Variants in BCL7C observed in about 807,000 individuals in gnomAD.
The protein encoded by BCL7C is B-cell CLL/lymphoma 7 protein family member C.
BCL7C carries 8 observed loss-of-function variants against 26.2 expected under a neutral mutation model. The observed-to-expected ratio is 0.30, with a 90% CI of 0.18 to 0.55. The LOEUF is 0.55. Among genes scored for constraint, BCL7C ranks in the 20% least tolerant of loss-of-function variants. The probability of loss-of-function intolerance (pLI) is 0.93; values close to 1 mark genes in which losing one functional copy is unlikely to be tolerated. For synonymous variants in BCL7C, 90 were observed against 116.5 expected (o/e 0.77, Z 1.47); for missense variants, 262 against 298.5 (o/e 0.88, Z 0.90).
chr16:30,855,742 T>G (rs1438616159), intron 5 of BCL7C, among the ~76,000 whole-genome samples: 1 of 151,806 alleles, frequency 6.6e-6, no homozygotes, highest in East Asian at 1.9e-4. Flanking sequence ...CTGGGCAACA[T>G]AGCGAGCCCC....
intron 5 of BCL7C, among the ~76,000 whole-genome samples, chr16:30,859,368 A>C (rs1434523984): frequency 6.6e-6 from 1 of 152,236 alleles, no homozygotes; most frequent in Non-Finnish European, 1.5e-5. Context: ...CTGAAATCCC[A>C]GCACTTTGGG....
intron 5 of BCL7C, 143 bp from the exon 6 acceptor site, chr16:30,888,133 G>T: frequency 1.4e-6 from 1 of 701,188 alleles, no homozygotes; most frequent in Non-Finnish European, 2.2e-6. Flanking sequence ...GGATGCAGAG[G>T]AAGCAGGCAC....
intron 5 of BCL7C, among the ~76,000 whole-genome samples, chr16:30,871,056 C>A (rs1313760771): frequency 2.0e-5 from 3 of 152,194 alleles, no homozygotes; most frequent in African/African-American, 7.2e-5. Context: ...GCCAGGGGAA[C>A]AGTTGTTAAC....
chr16:30,875,428 G>C (rs1386746733), intron 5 of BCL7C: 1 of 152,440 alleles, frequency 6.6e-6, no homozygotes, highest in Admixed American at 6.5e-5. Flanking sequence ...CTGCGTCTGT[G>C]GCCTTAACCC....
chr16:30,854,499 T>C (rs111591707), intron 5 of BCL7C, among the ~76,000 whole-genome samples: 71 of 152,274 alleles, frequency 4.7e-4, no homozygotes, highest in African/African-American at 1.7e-3. Flanking sequence ...ACTGTTATCC[T>C]GTTCTTCAAA....
chr16:30,859,571 C>T (rs948391735), intron 5 of BCL7C, among the ~76,000 whole-genome samples: 11 of 152,282 alleles, frequency 7.2e-5, no homozygotes, highest in Non-Finnish European at 1.5e-4. Context: ...TAACTGATGA[C>T]GTTCCACCAT....
At chr16:30,841,551 T>C (rs2054602246) in intron 5 of BCL7C, among the ~76,000 whole-genome samples, 1 of 152,168 alleles carries the variant, frequency 6.6e-6, no homozygotes, top group Non-Finnish European at 1.5e-5. Context: ...GTTCGAAGGA[T>C]ACAGTCTCAC....
downstream of BCL7C, among the ~76,000 whole-genome samples, chr16:30,885,005 G>T (rs1404263852): frequency 6.6e-6 from 1 of 152,152 alleles, no homozygotes; most frequent in African/African-American, 2.4e-5. Context: ...GAGTCATGAG[G>T]TGGCCACACA....
At chr16:30,875,501 G>T (rs2054936148) in intron 5 of BCL7C, 1 of 152,244 alleles carries the variant, frequency 6.6e-6, no homozygotes, top group South Asian at 2.1e-4. Context: ...GAAGGGTCGC[G>T]GGGCCTCTGG....
rs1179131121 is a variant in BCL7C, at chr16:30,893,312, G to C, written c.93-22C>G. ...CTCCCTGTGGGAGGGTGGGGGGCTG[G>C]GTCAGAGAGGCCTGAGGGGAGACCC... On this transcript the variant is annotated intron_variant, in intron 1 of 5. Coordinates refer to ENST00000215115, the MANE Select transcript of BCL7C (RefSeq NM_004765.4). This position sits in a 1 kb window ranked among gnomAD's most constrained non-coding sequence, Gnocchi z 5.2. The C allele has an allele frequency of 3.7e-6, 6 of 1,607,270 alleles. No individual in the cohort carries two copies. The African/African-American group carries it at 4.0e-5, about 11-fold the overall frequency.
At position 30,892,915 on chromosome 16, in the gene BCL7C, ATC is replaced by A. The variant is rs747562410; in HGVS notation, c.203_204del (p.Arg68IlefsTer25). On this transcript the variant is annotated frameshift_variant, in exon 3 of 6. Transcript: ENST00000215115. LOFTEE classifies it high-confidence loss of function. Reference sequence around the variant, plus strand: ...CTGCCCCGACGTTCCCGGCCACGGGATCTCTCTGCCCCGCCACCTGCCCGCCT... The same window carrying A: ...CTGCCCCGACGTTCCCGGCCACGGGATCTCTGCCCCGCCACCTGCCCGCCT... ...ERRRAGGGAE[R>X]SRGRERRGRG... 1.2e-6 allele frequency: 2 copies of A among 1,612,882 alleles called. No individual in the cohort carries two copies. Among genetic ancestry groups the A allele is most frequent in the African/African-American group, 2.7e-5 (2 of 74,946 alleles).
chr16:30,866,762 G>A (rs2054833328), intron 5 of BCL7C, among the ~76,000 whole-genome samples: 1 of 152,082 alleles, frequency 6.6e-6, no homozygotes, highest in Non-Finnish European at 1.5e-5. Flanking sequence ...CCTATTATAA[G>A]TCAGAGGTTT....
chr16:30,835,139 C>A, exon 6 of BCL7C: 2 of 1,506,708 alleles, frequency 1.3e-6, no homozygotes, highest in South Asian at 1.2e-5. Context: ...GTCATTCTCA[C>A]TCCCGAATCC....
chr16:30,841,190 T>C (rs944577790), intron 5 of BCL7C, among the ~76,000 whole-genome samples: 2 of 152,220 alleles, frequency 1.3e-5, no homozygotes, highest in Non-Finnish European at 2.9e-5. Context: ...TATTCATGCC[T>C]TAATAGTCAG....
intron 5 of BCL7C, among the ~76,000 whole-genome samples, chr16:30,874,612 C>G (rs1388213229): frequency 6.6e-6 from 1 of 151,816 alleles, no homozygotes; most frequent in Non-Finnish European, 1.5e-5. Context: ...GTGAGGCGGT[C>G]TCAAAACAAA....
chr16:30,852,374 T>C (rs2054682966), intron 5 of BCL7C: 1 of 151,842 alleles, frequency 6.6e-6, no homozygotes, highest in South Asian at 2.1e-4. Flanking sequence ...AAAAATAAAG[T>C]GAGAAATGAC....
intron 5 of BCL7C, among the ~76,000 whole-genome samples, chr16:30,872,537 G>A (rs1375176324): frequency 2.0e-5 from 3 of 152,194 alleles, no homozygotes; most frequent in African/African-American, 7.2e-5. Context: ...CGTTGAGAGA[G>A]GGTGAAAGCC....
At chr16:30,892,461 G>A (rs2055261396) in intron 4 of BCL7C, 125 bp downstream of exon 4, 2 of 844,136 alleles carry the variant, frequency 2.4e-6, no homozygotes, top group Non-Finnish European at 3.6e-6. Context: ...GATTCTGCAG[G>A]AGTCGGAAGG....
At chr16:30,877,702 G>A (rs961951100) in intron 5 of BCL7C, among the ~76,000 whole-genome samples, 1 of 151,242 alleles carries the variant, frequency 6.6e-6, no homozygotes, top group African/African-American at 2.4e-5. Flanking sequence ...GCCTCCCAAA[G>A]TGCTGGGATT....
Sources: allele counts gnomAD v4.1 joint callset (sites outside exome capture counted in the v4.1 genomes callset), GRCh38; gene constraint gnomAD v4.1.1; non-coding constraint Gnocchi (gnomAD v3.1); transcripts MANE v1.5; gene names NCBI Gene and HGNC (gene_info 2026-07-23, HGNC 2026-07-21).